Variants in AFG2A observed in about 807,000 individuals in gnomAD.
AFG2A encodes the protein ATPase family gene 2 protein homolog A.
the AFG2A span, among the ~76,000 whole-genome samples, chr4:122,944,766 T>A: frequency 1.3e-5 from 2 of 152,032 alleles, no homozygotes; most frequent in Non-Finnish European, 2.9e-5. Flanking sequence ...TCTTTGTGGT[T>A]TTATCTTTGT....
the AFG2A span, among the ~76,000 whole-genome samples, chr4:123,157,119 A>C: frequency 6.6e-6 from 1 of 151,588 alleles, no homozygotes; most frequent in Non-Finnish European, 1.5e-5. Flanking sequence ...AGGTTCAAGC[A>C]ATTCTCCTGT....
the AFG2A span, among the ~76,000 whole-genome samples, chr4:122,931,993 G>T: frequency 1.5e-4 from 23 of 152,268 alleles, no homozygotes; most frequent in African/African-American, 5.5e-4. Flanking sequence ...GAAGCCAGAC[G>T]CAGTGGCTCA....
At chr4:123,268,856 TAA>T in the AFG2A span, among the ~76,000 whole-genome samples, 5 of 152,140 alleles carry the variant, frequency 3.3e-5, no homozygotes, top group African/African-American at 1.2e-4. Flanking sequence ...CCCAGAGCAA[TAA>T]AGAGAAATCC....
the AFG2A span, among the ~76,000 whole-genome samples, chr4:123,081,318 C>T: frequency 8.5e-4 from 130 of 152,300 alleles, 2 homozygotes; most frequent in African/African-American, 3.0e-3. Context: ...TTACAGTCTA[C>T]GTAGTTTTGC....
chr4:122,952,059 A>G, the AFG2A span, among the ~76,000 whole-genome samples: 88 of 152,242 alleles, frequency 5.8e-4, no homozygotes, highest in Admixed American at 1.3e-3. Flanking sequence ...GATACCCTTT[A>G]GCCAACCTGC....
the AFG2A span, among the ~76,000 whole-genome samples, chr4:123,037,972 T>G: frequency 6.6e-6 from 1 of 152,058 alleles, no homozygotes; most frequent in South Asian, 2.1e-4. Flanking sequence ...ACTCAGCCTC[T>G]TTGTACTTTG....
the AFG2A span, among the ~76,000 whole-genome samples, chr4:122,958,193 A>G: frequency 6.6e-6 from 1 of 152,216 alleles, no homozygotes; most frequent in Non-Finnish European, 1.5e-5. Context: ...TCAAAAATGT[A>G]GGACAGTGAG....
the AFG2A span, among the ~76,000 whole-genome samples, chr4:122,935,427 A>G: frequency 6.4e-4 from 96 of 150,490 alleles, 3 homozygotes; most frequent in Admixed American, 4.2e-3. Context: ...TCGATCATTG[A>G]TCTGTGTTGT....
At chr4:122,963,811 G>T in the AFG2A span, among the ~76,000 whole-genome samples, 2 of 152,142 alleles carry the variant, frequency 1.3e-5, no homozygotes, top group African/African-American at 4.8e-5. Context: ...TTTTGTTGAT[G>T]TATTATTATT....
chr4:123,215,708 A>G, the AFG2A span, among the ~76,000 whole-genome samples: 1 of 152,008 alleles, frequency 6.6e-6, no homozygotes, highest in South Asian at 2.1e-4. Context: ...CTCCACACCA[A>G]CTAAAGAAAA....
At chr4:123,225,828 T>A in the AFG2A span, among the ~76,000 whole-genome samples, 1 of 152,234 alleles carries the variant, frequency 6.6e-6, no homozygotes, top group Non-Finnish European at 1.5e-5. Context: ...CGATATTGAT[T>A]CTTCCTACCC....
the AFG2A span, among the ~76,000 whole-genome samples, chr4:123,024,804 T>C: frequency 1.3e-5 from 2 of 152,168 alleles, no homozygotes; most frequent in African/African-American, 4.8e-5. Flanking sequence ...TAGGCCTTTT[T>C]GCAGGAAGAG....
At chr4:123,255,050 G>A in the AFG2A span, among the ~76,000 whole-genome samples, 126 of 152,064 alleles carry the variant, frequency 8.3e-4, no homozygotes, top group African/African-American at 2.9e-3. Flanking sequence ...TGCAACCTCC[G>A]CCTCCTGGGC....
the AFG2A span, among the ~76,000 whole-genome samples, chr4:123,175,020 AC>A: frequency 2.0e-5 from 3 of 151,800 alleles, no homozygotes. Flanking sequence ...ATGGGGTTTC[AC>A]CATTTTGCCC....
At chr4:123,280,183 T>C in the AFG2A span, among the ~76,000 whole-genome samples, 2 of 152,146 alleles carry the variant, frequency 1.3e-5, no homozygotes, top group Non-Finnish European at 2.9e-5. Flanking sequence ...AGTGAACCTA[T>C]CTGAGACTCT....
At chr4:123,041,313 G>T in the AFG2A span, among the ~76,000 whole-genome samples, 1 of 136,672 alleles carries the variant, frequency 7.3e-6, no homozygotes, top group Non-Finnish European at 1.6e-5. Context: ...AGTAGAGACG[G>T]GGTTTCACCG....
At chr4:123,271,561 G>C in the AFG2A span, among the ~76,000 whole-genome samples, 1 of 152,160 alleles carries the variant, frequency 6.6e-6, no homozygotes, top group Non-Finnish European at 1.5e-5. Context: ...CCCCATTGCT[G>C]TGGCTTGTTC....
chr4:123,249,510 A>T, the AFG2A span, among the ~76,000 whole-genome samples: 2 of 152,176 alleles, frequency 1.3e-5, no homozygotes, highest in African/African-American at 4.8e-5. Flanking sequence ...TGCAGTTAAA[A>T]TGATCACATT....
At chr4:123,297,451 G>A in the AFG2A span, among the ~76,000 whole-genome samples, 1 of 152,164 alleles carries the variant, frequency 6.6e-6, no homozygotes, top group Non-Finnish European at 1.5e-5. Flanking sequence ...GCCGGGTGTG[G>A]TGGCTCATGC....
Sources: allele counts gnomAD v4.1 joint callset (sites outside exome capture counted in the v4.1 genomes callset), GRCh38; gene constraint gnomAD v4.1.1; transcripts MANE v1.5; gene names NCBI Gene and HGNC (gene_info 2026-07-23, HGNC 2026-07-21).